The following ARHGAP6 variants were observed in gnomAD, a reference collection of about 807,000 sequenced individuals.
ARHGAP6 encodes the protein rho GTPase-activating protein 6.
ARHGAP6 carries 16 observed loss-of-function variants against 55.7 expected under a neutral mutation model. The ratio of observed to expected loss-of-function variants is 0.29; its 90% confidence interval spans 0.19 to 0.44. The LOEUF is 0.44. ARHGAP6 is among the 20% of genes least tolerant of loss of function. The pLI is 1.00. For synonymous variants in ARHGAP6, 382 were observed against 360.9 expected, an observed-to-expected ratio of 1.06 and a Z score of -0.66; for missense variants, 698 against 808.9, an observed-to-expected ratio of 0.86 and a Z score of 1.66.
intron 1 of ARHGAP6, among the ~76,000 whole-genome samples, chrX:11,525,608 A>G (rs2050981342): frequency 1.8e-5 from 2 of 111,999 alleles, no homozygotes; most frequent in African/African-American, 6.5e-5. Context: ...GAGTGAATAC[A>G]TTGTTCTGCT....
intron 1 of ARHGAP6, among the ~76,000 whole-genome samples, chrX:11,590,910 G>GAAAGAAAAGA (rs1556119233): frequency 2.4e-5 from 2 of 83,847 alleles, no homozygotes; most frequent in African/African-American, 9.5e-5. Context: ...AAGAAAGAAA[G>GAAAGAAAAGA]AAAGAAAAGA....
In ARHGAP6 at chrX:11,648,156, T is replaced by C. The variant is rs764129105; in HGVS notation, c.588+16085A>G. Among the ~76,000 whole-genome samples, 5 of 112,214 alleles carry C rather than the reference T, an allele frequency of 4.5e-5. 1 individual carries two copies. The East Asian group carries it at 1.1e-3, about 25-fold the overall frequency. On this transcript the variant is annotated intron_variant, in intron 1 of 12. Transcript: ENST00000337414. Reference sequence around the variant, plus strand: ...TACATTTCAAGATAGCTAGAAGGTATAGAATGTTATCTCCACAAATAATAA... The same window carrying C: ...TACATTTCAAGATAGCTAGAAGGTACAGAATGTTATCTCCACAAATAATAA...
chrX:11,572,871 G>A (rs202234042), intron 1 of ARHGAP6, among the ~76,000 whole-genome samples: 1 of 111,148 alleles, frequency 9.0e-6, no homozygotes, highest in Non-Finnish European at 1.9e-5. Flanking sequence ...ACTTTTTAAT[G>A]ATTGCCATTG....
chrX:11,588,923 T>C (rs1478152760), intron 1 of ARHGAP6, among the ~76,000 whole-genome samples: 1 of 112,214 alleles, frequency 8.9e-6, no homozygotes, highest in Non-Finnish European at 1.9e-5. Flanking sequence ...TTGTGCTATG[T>C]GGATTATATC....
intron 1 of ARHGAP6, among the ~76,000 whole-genome samples, chrX:11,393,793 G>A (rs767776094): frequency 9.0e-6 from 1 of 111,412 alleles, no homozygotes; most frequent in Admixed American, 9.5e-5. Context: ...TCAGCCCAGA[G>A]CCTGAATTCT....
intron 2 of ARHGAP6, among the ~76,000 whole-genome samples, chrX:11,199,170 G>A (rs1007475257): frequency 2.7e-5 from 3 of 111,995 alleles, no homozygotes; most frequent in African/African-American, 9.8e-5. Flanking sequence ...ATATACCACA[G>A]TTCATTTCCT....
chrX:11,480,796 C>T (rs938927411), intron 1 of ARHGAP6, among the ~76,000 whole-genome samples: 2 of 111,409 alleles, frequency 1.8e-5, no homozygotes, highest in African/African-American at 6.5e-5. Flanking sequence ...AATAAACAAT[C>T]ATCAGAGTTA....
chrX:11,320,965 G>C (rs1422090604), intron 1 of ARHGAP6, among the ~76,000 whole-genome samples: 3 of 110,991 alleles, frequency 2.7e-5, no homozygotes, highest in Admixed American at 9.6e-5. Context: ...AGGTCTCCTT[G>C]TTCCCATTAA....
chrX:11,529,276 C>T (rs755076460), intron 1 of ARHGAP6, among the ~76,000 whole-genome samples: 11 of 111,896 alleles, frequency 9.8e-5, no homozygotes, highest in Admixed American at 3.8e-4. Flanking sequence ...AGGCAGTGCA[C>T]GAATCATGCT....
At chrX:11,614,923 C>G (rs1257915411) in intron 1 of ARHGAP6, among the ~76,000 whole-genome samples, 2 of 110,075 alleles carry the variant, frequency 1.8e-5, no homozygotes, top group Non-Finnish European at 3.8e-5. Context: ...TAAAAAGCTT[C>G]CTTGAGGGGG....
intron 1 of ARHGAP6, among the ~76,000 whole-genome samples, chrX:11,574,535 C>A (rs1256448465): frequency 9.2e-6 from 1 of 109,202 alleles, no homozygotes; most frequent in Non-Finnish European, 1.9e-5. Flanking sequence ...GCCCTTCATG[C>A]TAAAAACTCT....
Position 11,664,497 on chromosome X carries a change from T to C in ARHGAP6, c.332A>G (p.Glu111Gly). The part of the protein sequence containing the change: ...SSFSTPSTPQ[E>G]KSPSGSFHFD... Reference sequence around the variant, plus strand: ...GTGAAAGCTGCCGGATGGTGACTTCTCCTGCGGGGTGCTGGGTGTGGAGAA... The same window carrying C: ...GTGAAAGCTGCCGGATGGTGACTTCCCCTGCGGGGTGCTGGGTGTGGAGAA... The change falls in exon 1 of 13, where the codon GAG becomes GGG. Residue 111 changes from glutamate to glycine, a missense_variant. By Grantham distance (98) the Glu-to-Gly change is moderately conservative. Coordinates refer to ENST00000337414, the MANE Select transcript of ARHGAP6 (RefSeq NM_013427.3). The C allele has an allele frequency of 8.3e-7, 1 of 1,207,193 alleles. No homozygotes were observed. Among genetic ancestry groups the C allele is most frequent in the Middle Eastern group, 2.3e-4 (1 of 4,348 alleles).
chrX:11,315,910 T>C (rs2048355261), intron 1 of ARHGAP6, among the ~76,000 whole-genome samples: 1 of 110,128 alleles, frequency 9.1e-6, no homozygotes, highest in Admixed American at 9.5e-5. Flanking sequence ...AACTAGGACA[T>C]TTTTTTCTTG....
intron 1 of ARHGAP6, among the ~76,000 whole-genome samples, chrX:11,259,811 T>C (rs1278989993): frequency 9.0e-6 from 1 of 111,389 alleles, no homozygotes; most frequent in African/African-American, 3.3e-5. Context: ...CACATTTTGT[T>C]CTGTGGAGGT....
intron 1 of ARHGAP6, among the ~76,000 whole-genome samples, chrX:11,564,095 T>C (rs1461404596): frequency 9.0e-6 from 1 of 111,582 alleles, no homozygotes. Context: ...AACAATAAAA[T>C]GATAGATAGC....
intron 2 of ARHGAP6, among the ~76,000 whole-genome samples, chrX:11,238,172 T>C (rs1157892242): frequency 6.2e-5 from 7 of 112,771 alleles, no homozygotes; most frequent in African/African-American, 2.3e-4. Flanking sequence ...AGTTATACTT[T>C]ATCTCAGTTT....
intron 1 of ARHGAP6, among the ~76,000 whole-genome samples, chrX:11,297,017 G>A (rs1021535951): frequency 6.3e-5 from 7 of 111,095 alleles, no homozygotes; most frequent in South Asian, 7.7e-4. Flanking sequence ...GCAGCCTCCC[G>A]CCTGGCCACT....
intron 1 of ARHGAP6, among the ~76,000 whole-genome samples, chrX:11,545,293 G>A (rs1230777404): frequency 1.8e-5 from 2 of 112,319 alleles, no homozygotes; most frequent in African/African-American, 6.5e-5. Context: ...TTGACTTCAA[G>A]GAGATATTGT....
intron 1 of ARHGAP6, among the ~76,000 whole-genome samples, chrX:11,550,063 T>C (rs1373816823): frequency 8.9e-6 from 1 of 112,080 alleles, no homozygotes. Flanking sequence ...AACATTGGCC[T>C]TCTGGTTGTG....
Sources: gnomAD v4.1 joint callset for allele counts (sites outside exome capture counted in the v4.1 genomes callset) on GRCh38, gnomAD v4.1.1 for gene constraint, MANE v1.5 for transcripts, NCBI Gene and HGNC (gene_info 2026-07-23, HGNC 2026-07-21) for gene names.